LSM12: variants seen among roughly 807,000 people sequenced by gnomAD.
The protein encoded by LSM12 is protein LSM12.
For missense variants in LSM12, 108 were observed against 238.9 expected (o/e 0.45, Z 3.61); for synonymous variants, 74 against 87.3 (o/e 0.85, Z 0.85).
chr17:44,041,334 A>ACACACACAAACACAC (rs2049491143), intron 2 of LSM12, among the ~76,000 whole-genome samples: 1 of 104,546 alleles, frequency 9.6e-6, no homozygotes, highest in Non-Finnish European at 1.9e-5. Context: ...CACACACACA[A>ACACACACAAACACAC]ACACACACAC....
intron 2 of LSM12, among the ~76,000 whole-genome samples, chr17:44,050,177 G>A (rs2049624151): frequency 6.6e-6 from 1 of 151,264 alleles, no homozygotes; most frequent in African/African-American, 2.4e-5. Context: ...TCAGCTCAAT[G>A]CAACCTCCAC....
At chr17:44,040,341 G>A in intron 2 of LSM12, 85 bp from the exon 3 acceptor site, 1 of 998,008 alleles carries the variant, frequency 1.0e-6, no homozygotes, top group South Asian at 1.4e-5. Context: ...AAGAAAGGAG[G>A]CCAGGAAAGA....
intron 2 of LSM12, among the ~76,000 whole-genome samples, chr17:44,042,305 C>G (rs1222571681): frequency 6.6e-6 from 1 of 151,910 alleles, no homozygotes. Flanking sequence ...AATGGGGGAG[C>G]CATACCTACA....
intron 2 of LSM12, among the ~76,000 whole-genome samples, chr17:44,052,316 A>G (rs941470462): frequency 1.3e-5 from 2 of 151,902 alleles, no homozygotes; most frequent in Admixed American, 1.3e-4. Context: ...GTTTCTACAA[A>G]AAAAAAAATT....
intron 1 of LSM12, among the ~76,000 whole-genome samples, chr17:44,064,862 G>A (rs778679943): frequency 6.6e-6 from 1 of 152,132 alleles, no homozygotes; most frequent in South Asian, 2.1e-4. Flanking sequence ...TAGGCCGCGC[G>A]GTGGCTCACG....
chr17:44,038,770 G>A (rs1381137012), intron 3 of LSM12, among the ~76,000 whole-genome samples: 1 of 152,188 alleles, frequency 6.6e-6, no homozygotes, highest in African/African-American at 2.4e-5. Context: ...AGACAGTTGG[G>A]CACTTGCCAG....
At chr17:44,041,392 T>A (rs1287368965) in intron 2 of LSM12, among the ~76,000 whole-genome samples, 1 of 151,140 alleles carries the variant, frequency 6.6e-6, no homozygotes, top group East Asian at 1.9e-4. Flanking sequence ...TATCAGCTGT[T>A]GTGCTAGAGC....
intron 4 of LSM12, chr17:44,036,947 C>T (rs1254866103): frequency 6.5e-6 from 1 of 153,850 alleles, no homozygotes; most frequent in African/African-American, 2.4e-5. Flanking sequence ...CATGGTGAAA[C>T]CCCATCTCTA....
chr17:44,047,913 G>C (rs933811706), intron 2 of LSM12, among the ~76,000 whole-genome samples: 2 of 151,508 alleles, frequency 1.3e-5, no homozygotes, highest in African/African-American at 2.4e-5. Flanking sequence ...GCTGGGCGTG[G>C]TCACTCACAC....
chr17:44,057,394 C>T (rs368711038), intron 2 of LSM12, among the ~76,000 whole-genome samples: 4 of 149,826 alleles, frequency 2.7e-5, no homozygotes, highest in East Asian at 2.1e-4. Flanking sequence ...GTGATCCGCC[C>T]GCCTCGGCCT....
intron 1 of LSM12, among the ~76,000 whole-genome samples, chr17:44,064,271 A>G (rs1204033035): frequency 1.3e-5 from 2 of 152,218 alleles, no homozygotes; most frequent in Admixed American, 6.5e-5. Context: ...GTGTCTGCAC[A>G]GTATTCTTTT....
In LSM12 at chr17:44,048,018, A is replaced by AACACAC. The variant is rs57164806; in HGVS notation, c.259-7768_259-7763dup. Among the ~76,000 whole-genome samples the AACACAC allele has an allele frequency of 3.6e-3, 489 of 137,482 alleles. 3 individuals are homozygous for AACACAC. Among genetic ancestry groups the AACACAC allele is most frequent in the Middle Eastern group, 7.2e-3 (2 of 276 alleles). The allele number at this position is 137,482 out of a possible 152,430, so 90.2% of individuals were successfully genotyped here. ...GACAACATAGACAGTGTCCGTATTA[A>AACACAC]ACACACACACACACACACACACACA... On this transcript the variant is annotated intron_variant, in intron 2 of 4. Coordinates refer to ENST00000293406, the MANE Select transcript of LSM12 (RefSeq NM_001371445.1).
intron 2 of LSM12, among the ~76,000 whole-genome samples, chr17:44,057,912 C>G (rs1177165560): frequency 6.6e-6 from 1 of 150,644 alleles, no homozygotes. Context: ...TTATCTCATC[C>G]CATAATTCAA....
chr17:44,040,737 G>A (rs1170454583), intron 2 of LSM12, among the ~76,000 whole-genome samples: 1 of 151,912 alleles, frequency 6.6e-6, no homozygotes, highest in Non-Finnish European at 1.5e-5. Flanking sequence ...CACTTTGGGA[G>A]GCCGAGGCAG....
intron 2 of LSM12, among the ~76,000 whole-genome samples, chr17:44,041,324 C>CAA (rs1567955868): frequency 6.9e-6 from 1 of 145,352 alleles, no homozygotes; most frequent in East Asian, 2.0e-4. Flanking sequence ...CACACACACA[C>CAA]ACACACACAA....
At chr17:44,059,206 A>G (rs1421612888) in intron 2 of LSM12, among the ~76,000 whole-genome samples, 1 of 152,134 alleles carries the variant, frequency 6.6e-6, no homozygotes, top group Non-Finnish European at 1.5e-5. Context: ...ACACACACAC[A>G]CGAAACATAA....
chr17:44,053,858 T>C (rs1014355113), intron 2 of LSM12, among the ~76,000 whole-genome samples: 4 of 152,172 alleles, frequency 2.6e-5, no homozygotes, highest in African/African-American at 9.7e-5. Flanking sequence ...CTACCACTTG[T>C]TTGGTTCCCC....
At chr17:44,042,803 G>T (rs1216802098) in intron 2 of LSM12, among the ~76,000 whole-genome samples, 1 of 152,032 alleles carries the variant, frequency 6.6e-6, no homozygotes, top group African/African-American at 2.4e-5. Context: ...TCCTGACCTC[G>T]TGATCCACCC....
chr17:44,059,357 C>T lies in LSM12; in HGVS notation c.258+4444G>A, dbSNP rs867681512. 4.5e-4 allele frequency among the ~76,000 whole-genome samples: 69 copies of T among 152,036 alleles called. 1 individual carries two copies. The Middle Eastern group carries it at 0.034, about 75-fold the overall frequency. On this transcript the variant is annotated intron_variant, in intron 2 of 4. Coordinates refer to ENST00000293406, the MANE Select transcript of LSM12 (RefSeq NM_001371445.1). ...TAATCCTAACACTTTAGGAGGCCGA[C>T]GCAGGTGGATTATCTGAGGTCAGGA...
Sources: gnomAD v4.1 joint callset for allele counts (sites outside exome capture counted in the v4.1 genomes callset) on GRCh38, gnomAD v4.1.1 for gene constraint, MANE v1.5 for transcripts, NCBI Gene and HGNC (gene_info 2026-07-23, HGNC 2026-07-21) for gene names.